SMARCC2: variants seen among roughly 807,000 people sequenced by gnomAD.
SMARCC2 encodes SWI/SNF complex subunit SMARCC2.
A neutral mutation model predicts 151.3 loss-of-function variants in SMARCC2; 15 were observed. That is an observed-to-expected ratio of 0.10 (90% CI 0.07 to 0.15). The LOEUF is 0.15. Among genes scored for constraint, SMARCC2 ranks in the 10% least tolerant of loss-of-function variants. SMARCC2 has a pLI of 1.00. For missense variants in SMARCC2, 1,031 were observed against 1,599.7 expected (o/e 0.64, Z 6.06); for synonymous variants, 590 against 609.5 (o/e 0.97, Z 0.47).
chr12:56,167,639 C>A (rs1294373874), intron 26 of SMARCC2, among the ~76,000 whole-genome samples: 1 of 152,134 alleles, frequency 6.6e-6, no homozygotes, highest in Non-Finnish European at 1.5e-5. Flanking sequence ...CCCATTCACT[C>A]AATCACTATT....
chr12:56,176,042 A>G (rs554393966), intron 15 of SMARCC2, among the ~76,000 whole-genome samples: 1 of 152,178 alleles, frequency 6.6e-6, no homozygotes, highest in African/African-American at 2.4e-5. Flanking sequence ...TATTTTTAGT[A>G]GAGACGGGGT....
chr12:56,180,840 C>G (rs1876058223), intron 11 of SMARCC2, 137 bp downstream of exon 11: 1 of 889,622 alleles, frequency 1.1e-6, no homozygotes, highest in Non-Finnish European at 1.7e-6. Context: ...ACCGTAATTC[C>G]AATAACCAGC....
chr12:56,164,375 C>T lies in SMARCC2; in HGVS notation c.3589G>A (p.Ala1197Thr), dbSNP rs746943580. 2.4e-5 allele frequency: 39 copies of T among 1,613,570 alleles called. No individual in the cohort carries two copies. The highest frequency in any genetic ancestry group is 3.1e-5 in the Non-Finnish European group (37 of 1,180,016). ...SLPLGPGLGS[A>T]AAQSPAIVAA... Reference sequence around the variant, plus strand: ...ACAATGGCAGGGCTTTGGGCTGCGGCGGATCCGAGCCCCGGCCCGAGAGGC... The same window carrying T: ...ACAATGGCAGGGCTTTGGGCTGCGGTGGATCCGAGCCCCGGCCCGAGAGGC... The change falls in exon 28 of 29, where the codon GCC becomes ACC. Residue 1197 changes from alanine to threonine, a missense_variant. By Grantham distance (58) the Ala-to-Thr change is moderately conservative (BLOSUM62 0). Coordinates refer to ENST00000550164, the MANE Select transcript of SMARCC2 (RefSeq NM_001330288.2).
chr12:56,163,807 G>C, intron 28 of SMARCC2, 42 bp from the exon 29 acceptor site: 1 of 1,357,852 alleles, frequency 7.4e-7, no homozygotes, highest in Non-Finnish European at 9.9e-7. Context: ...GTACGCCGGA[G>C]AGATGGCTCC....
At chr12:56,173,955 C>A in intron 16 of SMARCC2, 106 bp from the exon 17 acceptor site, 2 of 1,032,146 alleles carry the variant, frequency 1.9e-6, no homozygotes, top group Non-Finnish European at 2.9e-6. Flanking sequence ...CCCCACCCAA[C>A]CCCGGCCTTT....
chr12:56,188,992 G>A (rs1365988944), intron 1 of SMARCC2, among the ~76,000 whole-genome samples: 1 of 152,052 alleles, frequency 6.6e-6, no homozygotes, highest in East Asian at 1.9e-4. Context: ...TCCGGGTTGC[G>A]GGGGAGCCCA....
chr12:56,181,723 G>C lies in SMARCC2; in HGVS notation c.821C>G (p.Ala274Gly). The C allele has an allele frequency of 1.2e-6, 2 of 1,614,168 alleles. No individual in the cohort carries two copies. The highest frequency in any genetic ancestry group is 1.7e-6 in the Non-Finnish European group (2 of 1,180,014). The change falls in exon 9 of 29, where the codon GCC becomes GGC. Residue 274 changes from alanine (A) to glycine (G), a missense_variant. Physicochemically the swap from Ala to Gly is moderately conservative, Grantham distance 60. This residue lies in a region of SMARCC2 where 123 missense variants were observed against 190.4 expected (regional missense o/e 0.65). Transcript: ENST00000550164. The stretch of plus-strand genomic sequence containing the variant: ...TGTCACCTCATCTGTCAGTGTCTTG[G>C]CTGAAATCTTCTTTCGGCGGGAGAC... ...NPVSRRKKIS[A>G]KTLTDEVNSP...
chr12:56,188,309 A>G (rs947245417), intron 1 of SMARCC2, among the ~76,000 whole-genome samples: 1 of 152,150 alleles, frequency 6.6e-6, no homozygotes, highest in Non-Finnish European at 1.5e-5. Context: ...CAGGATTCTC[A>G]CACCCAGAGA....
Position 56,186,216 on chromosome 12 carries a change from C to A in SMARCC2, c.256G>T (p.Ala86Ser). 6.2e-7 allele frequency: 1 copy of A among 1,612,328 alleles called. No individual in the cohort carries two copies. The highest frequency in any genetic ancestry group is 1.1e-5 in the South Asian group (1 of 91,052). ...LPIKCFLDFK[A>S]GGSLCHILAA... ...AGAATGTGGCACAAGGAGCCTCCCG[C>A]TTTGAAATCTAGGAAACATTTGATC... Residue 86 changes from alanine (A) to serine (S), a missense_variant, in exon 3 of 29, where the codon GCG becomes TCG. By Grantham distance (99) the Ala-to-Ser change is moderately conservative. This residue lies in a region of SMARCC2 where 22 missense variants were observed against 23.4 expected (regional missense o/e 0.94). Transcript: ENST00000550164.
chr12:56,188,102 G>C (rs908365056), intron 1 of SMARCC2, among the ~76,000 whole-genome samples: 1 of 152,182 alleles, frequency 6.6e-6, no homozygotes, highest in Non-Finnish European at 1.5e-5. Context: ...GGTGAAAAGA[G>C]ATAGATCTGT....
At chr12:56,175,305 C>T (rs1807274806) in intron 15 of SMARCC2, among the ~76,000 whole-genome samples, 1 of 152,170 alleles carries the variant, frequency 6.6e-6, no homozygotes, top group African/African-American at 2.4e-5. Flanking sequence ...GCCACTGCAC[C>T]TAGCCATTTT....
chr12:56,170,217 A>G lies in SMARCC2; in HGVS notation c.2348-9T>C, dbSNP rs997017823. On this transcript the variant is annotated splice_polypyrimidine_tract_variant and intron_variant, in intron 22 of 28. Transcript: ENST00000550164. Reference sequence around the variant, plus strand: ...GTCATTCCCGCTCTCCTCTGGGCCCATGAGAAAAGAAAGAAAACAGGAAAT... The same window carrying G: ...GTCATTCCCGCTCTCCTCTGGGCCCGTGAGAAAAGAAAGAAAACAGGAAAT... The G allele has an allele frequency of 5.0e-6, 8 of 1,612,124 alleles. No individual in the cohort carries two copies. The highest frequency in any genetic ancestry group is 3.3e-5 in the Admixed American group (2 of 60,000).
rs746042518 is a variant in SMARCC2, at chr12:56,169,800, C to T, written c.2524G>A (p.Glu842Lys). The T allele has an allele frequency of 1.1e-5, 17 of 1,614,034 alleles. No individual in the cohort carries two copies. Among genetic ancestry groups the T allele is most frequent in the Non-Finnish European group, 1.2e-5 (14 of 1,180,038 alleles). Residue 842 changes from glutamate (E) to lysine (K), a missense_variant, in exon 24 of 29, where the codon GAG (glutamate) becomes AAG (lysine). Around this residue, in one of 12 missense-constraint regions of SMARCC2, gnomAD observed 119 missense variants for 184.2 expected, o/e 0.65. Coordinates refer to ENST00000550164, the MANE Select transcript of SMARCC2 (RefSeq NM_001330288.2). ...CCTATTGGGTCTCCATCACTCTTCT[C>T]GGACTCCTTCTCACTGTCGCCTTCT... is the stretch of plus-strand genomic sequence containing the variant. ...GKEGDSEKES[E>K]KSDGDPIVDP...
chr12:56,162,476 T>C lies in SMARCC2; in HGVS notation c.*1213A>G, dbSNP rs1872005596. ...GCTAAGACGCAGAGGGAGAGAAACA[T>C]GGGGACATGAGGAACAAAGGGCCTG... is the stretch of plus-strand genomic sequence containing the variant. On this transcript the variant is annotated 3_prime_UTR_variant, in exon 29 of 29. Transcript: ENST00000550164. The C allele has an allele frequency of 5.2e-6, 3 of 579,538 alleles. No homozygotes were observed. The highest frequency in any genetic ancestry group is 6.0e-6 in the Non-Finnish European group (2 of 332,054). The allele number at this position is 579,538 out of a possible 1,614,324, so 35.9% of individuals were successfully genotyped here. A position where few individuals can be genotyped will look rare whatever the true frequency, so the allele number is the denominator to read the frequency against.
intron 23 of SMARCC2, 93 bp downstream of exon 23, chr12:56,170,051 C>G: frequency 7.0e-7 from 1 of 1,435,288 alleles, no homozygotes; most frequent in Non-Finnish European, 9.8e-7. Flanking sequence ...CCGTCCAAAA[C>G]CAGCCCTTGC....
At chr12:56,165,858 C>T (rs1028332580) in intron 26 of SMARCC2, among the ~76,000 whole-genome samples, 159 bp from the exon 27 acceptor site, 2 of 152,210 alleles carry the variant, frequency 1.3e-5, no homozygotes, top group East Asian at 1.9e-4. Context: ...CCTCCCCACC[C>T]GACTTCGTGC....
intron 26 of SMARCC2, among the ~76,000 whole-genome samples, chr12:56,167,062 CAAAA>C (rs775299815): frequency 2.8e-5 from 2 of 70,602 alleles, no homozygotes; most frequent in African/African-American, 5.0e-5. Context: ...GACTCCATCT[CAAAA>C]AAAAAAAAAA....
At chr12:56,186,795 T>G (rs1877348906) in intron 2 of SMARCC2, 1 of 182,652 alleles carries the variant, frequency 5.5e-6, no homozygotes, top group Admixed American at 5.5e-5. Flanking sequence ...CTCTACAAGG[T>G]AGGTTTACTA....
chr12:56,183,869 A>G lies in SMARCC2; in HGVS notation c.624T>C (p.Tyr208=), dbSNP rs747164024. ...DKQVLLHWGY[Y]PDSYDTWIPA... ...CAGGAACCCATCCTCACCTGTCAGG[A>G]TAGTAGCCCCAGTGCAGAAGAACCT... Residue 208 remains tyrosine (Y), a synonymous_variant, in exon 7 of 29, where the codon TAT becomes TAC. Coordinates refer to ENST00000550164, the MANE Select transcript of SMARCC2 (RefSeq NM_001330288.2). 10 of 1,613,024 alleles carry G rather than the reference A, an allele frequency of 6.2e-6. No individual in the cohort carries two copies. In the South Asian group the frequency reaches 1.1e-4, roughly 18 times the overall value.
Sources: gnomAD v4.1 joint callset for allele counts (sites outside exome capture counted in the v4.1 genomes callset) on GRCh38, gnomAD v4.1.1 for gene constraint, gnomAD v4.1.1 regional missense constraint, MANE v1.5 for transcripts, NCBI Gene and HGNC (gene_info 2026-07-23, HGNC 2026-07-21) for gene names.